The following PHTF2 variants were observed in gnomAD, a reference collection of about 807,000 sequenced individuals.
The protein encoded by PHTF2 is protein PHTF2.
In PHTF2, 60 loss-of-function variants were observed where a neutral mutation model predicts 101.2. The observed-to-expected ratio is 0.59, with a 90% CI of 0.48 to 0.73. The LOEUF (loss-of-function observed/expected upper bound fraction) is 0.73, where lower values mean the gene tolerates loss of function less well. PHTF2 is among the 30% of genes least tolerant of loss of function. The probability of loss-of-function intolerance (pLI) is 0.00; values close to 1 mark genes in which losing one functional copy is unlikely to be tolerated. For synonymous variants in PHTF2, 311 were observed against 307.3 expected, an observed-to-expected ratio of 1.01 and a Z score of -0.13; for missense variants, 747 against 908.7, an observed-to-expected ratio of 0.82 and a Z score of 2.29.
chr7:77,812,510 A>T (rs1225491048), intron 1 of PHTF2, among the ~76,000 whole-genome samples: 1 of 152,194 alleles, frequency 6.6e-6, no homozygotes, highest in Non-Finnish European at 1.5e-5. Flanking sequence ...AGTCAGTAGT[A>T]TGCTTCACAA....
intron 3 of PHTF2, among the ~76,000 whole-genome samples, chr7:77,883,970 T>G (rs1799609776): frequency 6.6e-6 from 1 of 152,236 alleles, no homozygotes; most frequent in Non-Finnish European, 1.5e-5. Flanking sequence ...TCTTTTTACA[T>G]TTCAGTTCTG....
intron 10 of PHTF2, among the ~76,000 whole-genome samples, chr7:77,920,843 G>A (rs914243376): frequency 6.6e-6 from 1 of 151,932 alleles, no homozygotes; most frequent in Non-Finnish European, 1.5e-5. Context: ...CACCATGCCC[G>A]GCTAATTTTT....
chr7:77,809,574 C>T (rs560207948), intron 1 of PHTF2, among the ~76,000 whole-genome samples: 24 of 151,842 alleles, frequency 1.6e-4, no homozygotes, highest in East Asian at 3.9e-4. Context: ...TGTGTGTGTG[C>T]GCAAAATATG....
At chr7:77,823,395 ATTT>A (rs1208706082) in intron 1 of PHTF2, among the ~76,000 whole-genome samples, 1 of 151,204 alleles carries the variant, frequency 6.6e-6, no homozygotes, top group African/African-American at 2.4e-5. Flanking sequence ...TAATTTTTGT[ATTT>A]TTAGTAGAGA....
intron 2 of PHTF2, among the ~76,000 whole-genome samples, chr7:77,853,569 A>G (rs899304478): frequency 9.2e-5 from 14 of 151,544 alleles, no homozygotes; most frequent in Middle Eastern, 3.4e-3. Context: ...AATTTTTTGT[A>G]TTTTAGTAGA....
chr7:77,822,051 A>G (rs564172973), intron 1 of PHTF2, among the ~76,000 whole-genome samples: 1 of 152,166 alleles, frequency 6.6e-6, no homozygotes, highest in South Asian at 2.1e-4. Context: ...AGCCCGAGGG[A>G]TGTATCAGCT....
At chr7:77,893,903 CT>C in intron 4 of PHTF2, 78 bp from the exon 4 acceptor site, 2 of 1,032,332 alleles carry the variant, frequency 1.9e-6, no homozygotes, top group Non-Finnish European at 3.0e-6. Context: ...TTTTTGTCAG[CT>C]TTTTTCCCCT....
intron 11 of PHTF2, among the ~76,000 whole-genome samples, chr7:77,928,384 A>G (rs775683951): frequency 6.6e-6 from 1 of 152,166 alleles, no homozygotes; most frequent in Non-Finnish European, 1.5e-5. Flanking sequence ...AGATTATCTC[A>G]AGAACATGAG....
chr7:77,868,729 G>A (rs545339075), intron 3 of PHTF2, among the ~76,000 whole-genome samples: 1 of 152,256 alleles, frequency 6.6e-6, no homozygotes, highest in South Asian at 2.1e-4. Flanking sequence ...ATAATGGAAA[G>A]CCTATGGGCT....
chr7:77,929,078 G>T, intron 11 of PHTF2, 31 bp from the exon 11 acceptor site: 5 of 1,475,926 alleles, frequency 3.4e-6, no homozygotes, highest in Non-Finnish European at 4.7e-6. Flanking sequence ...TACATAAATT[G>T]TATTAATGTC....
At chr7:77,939,907 A>C (rs1050020641) in intron 13 of PHTF2, 123 bp from the exon 13 acceptor site, 2 of 685,044 alleles carry the variant, frequency 2.9e-6, no homozygotes, top group African/African-American at 3.6e-5. Context: ...ATGGGATTCA[A>C]ATTACTCAGA....
chr7:77,953,820 T>C (rs1172148528), exon 19 of PHTF2: 1 of 1,612,402 alleles, frequency 6.2e-7, no homozygotes, highest in South Asian at 1.1e-5. Flanking sequence ...TCCGCTGCTT[T>C]ATAACATCAC....
At chr7:77,936,582 G>T (rs1202006103) in intron 12 of PHTF2, among the ~76,000 whole-genome samples, 2 of 151,924 alleles carry the variant, frequency 1.3e-5, no homozygotes, top group Non-Finnish European at 2.9e-5. Context: ...GCTGAGGCAG[G>T]AGAATCACTT....
At chr7:77,826,374 A>G (rs1794698522) in intron 1 of PHTF2, among the ~76,000 whole-genome samples, 1 of 152,222 alleles carries the variant, frequency 6.6e-6, no homozygotes, top group African/African-American at 2.4e-5. Flanking sequence ...TGCTAATAAC[A>G]GTGGCTTAAA....
chr7:77,940,402 C>A, intron 14 of PHTF2, 100 bp downstream of exon 13: 1 of 1,279,718 alleles, frequency 7.8e-7, no homozygotes, highest in Non-Finnish European at 1.1e-6. Context: ...TCATTTTTAC[C>A]TAATTATTTT....
At position 77,883,651 on chromosome 7, in the gene PHTF2, CA is replaced by C. The variant is rs565768533; in HGVS notation, c.148-9952del. Reference sequence around the variant, plus strand: ...TTATCTATAAACTGTAAGCAGTTAACAAAAATATTACACTGTCAATTAATTA... The same window carrying C: ...TTATCTATAAACTGTAAGCAGTTAACAAAATATTACACTGTCAATTAATTA... On this transcript the variant is annotated intron_variant, in intron 3 of 19. Coordinates refer to ENST00000416283, the Ensembl canonical transcript of PHTF2. 6.6e-4 allele frequency among the ~76,000 whole-genome samples: 101 copies of C among 152,182 alleles called. 2 individuals carry two copies. The highest frequency in any genetic ancestry group is 1.3e-3 in the Non-Finnish European group (86 of 67,968).
intron 12 of PHTF2, among the ~76,000 whole-genome samples, chr7:77,934,294 A>G (rs1804883460): frequency 6.6e-6 from 1 of 152,218 alleles, no homozygotes; most frequent in South Asian, 2.1e-4. Context: ...GTAAATAGTA[A>G]TTGAAACATT....
At chr7:77,899,318 C>T (rs1406287804) in intron 5 of PHTF2, among the ~76,000 whole-genome samples, 2 of 151,572 alleles carry the variant, frequency 1.3e-5, no homozygotes, top group African/African-American at 2.4e-5. Flanking sequence ...TCACCTTGTT[C>T]GACCTCAGCT....
chr7:77,885,047 A>G (rs1264536813), intron 3 of PHTF2, among the ~76,000 whole-genome samples: 4 of 152,248 alleles, frequency 2.6e-5, no homozygotes, highest in African/African-American at 9.6e-5. Context: ...AGAGATGGAA[A>G]GAGTCACCAA....
Sources: gnomAD v4.1 joint callset for allele counts (sites outside exome capture counted in the v4.1 genomes callset) on GRCh38, gnomAD v4.1.1 for gene constraint, MANE v1.5 for transcripts, NCBI Gene and HGNC (gene_info 2026-07-23, HGNC 2026-07-21) for gene names.